The following TMCC2 variants were observed in gnomAD, a reference collection of about 807,000 sequenced individuals.
TMCC2 encodes the protein transmembrane and coiled-coil domains protein 2.
A neutral mutation model predicts 49.4 loss-of-function variants in TMCC2; 16 were observed. That is an observed-to-expected ratio of 0.32 (90% CI 0.22 to 0.49). The LOEUF is 0.49. Among genes scored for constraint, TMCC2 ranks in the 20% least tolerant of loss-of-function variants. The pLI, the probability that TMCC2 is intolerant of heterozygous loss-of-function variation, is 0.99. For synonymous variants in TMCC2, 397 were observed against 434.1 expected (o/e 0.91, Z 1.06); for missense variants, 762 against 989.8 (o/e 0.77, Z 3.09).
At chr1:205,256,812 A>G (rs1660888997) in intron 2 of TMCC2, among the ~76,000 whole-genome samples, 1 of 152,222 alleles carries the variant, frequency 6.6e-6, no homozygotes, top group African/African-American at 2.4e-5. Flanking sequence ...TTCCGAATCC[A>G]TGAGACTGCT....
intron 1 of TMCC2, chr1:205,229,548 G>A (rs984527668): frequency 5.3e-6 from 2 of 379,970 alleles, no homozygotes; most frequent in African/African-American, 5.8e-5. Context: ...GAAGGGGCGG[G>A]GGGGGGGGGG....
chr1:205,256,666 G>C (rs1289975628), intron 2 of TMCC2, among the ~76,000 whole-genome samples: 1 of 152,224 alleles, frequency 6.6e-6, no homozygotes, highest in African/African-American at 2.4e-5. Flanking sequence ...CAGGGCAGCA[G>C]GGAGAGGAGG....
At chr1:205,256,282 G>A in intron 2 of TMCC2, 1 of 1,546,722 alleles carries the variant, frequency 6.5e-7, no homozygotes, top group South Asian at 1.2e-5. Flanking sequence ...CAGGCCCCAG[G>A]ACTCAGCTGG....
intron 2 of TMCC2, among the ~76,000 whole-genome samples, chr1:205,247,815 G>C (rs1660511561): frequency 6.6e-6 from 1 of 152,190 alleles, no homozygotes; most frequent in Admixed American, 6.5e-5. Context: ...GACCAGAGCA[G>C]CCCTGGCAGG....
Position 205,272,347 on chromosome 1 carries a change from C to A in TMCC2, c.*223C>A. 1.1e-6 allele frequency: 1 copy of A among 877,810 alleles called. No homozygotes were observed. The highest frequency in any genetic ancestry group is 1.7e-6 in the Non-Finnish European group (1 of 596,102). The allele number at this position is 877,810 out of a possible 1,614,324, so 54.4% of individuals were successfully genotyped here. On this transcript the variant is annotated 3_prime_UTR_variant, in exon 5 of 5. Transcript: ENST00000358024. ...CCCTACCTGGAGATAGTGCGGGCAC[C>A]TGTGGCCAAGTGGAGCAGAGGTGGA...
intron 2 of TMCC2, 37 bp from the exon 3 acceptor site, chr1:205,268,913 G>T (rs1272629671): frequency 6.2e-7 from 1 of 1,601,606 alleles, no homozygotes; most frequent in African/African-American, 1.3e-5. Context: ...TGGTCCCAGG[G>T]TTTACCCATG....
rs1477137646 is a variant in TMCC2, at chr1:205,241,809, G to T, written c.512G>T (p.Ser171Ile). ...IKRGASLHSS[S>I]GGGSSGSSSR... ...CGGGGCGCCAGCCTGCACAGCAGCA[G>T]TGGGGGCGGCAGCAGCGGGAGCAGC... Residue 171 changes from serine to isoleucine, a missense_variant, in exon 2 of 5, where the codon AGT (serine) becomes ATT (isoleucine). Around this residue, in one of 2 missense-constraint regions of TMCC2, gnomAD observed 322 missense variants for 353.1 expected, o/e 0.91. Transcript: ENST00000358024. This position sits in a 1 kb window ranked among gnomAD's most constrained non-coding sequence, Gnocchi z 7.3. 6.2e-7 allele frequency: 1 copy of T among 1,605,764 alleles called. No individual in the cohort carries two copies. The highest frequency in any genetic ancestry group is 8.5e-7 in the Non-Finnish European group (1 of 1,177,196).
At chr1:205,267,363 T>C (rs1413486073) in intron 2 of TMCC2, among the ~76,000 whole-genome samples, 1 of 152,180 alleles carries the variant, frequency 6.6e-6, no homozygotes, top group Non-Finnish European at 1.5e-5. Flanking sequence ...CTGTTTCCAG[T>C]TCTGGTGCAT....
At chr1:205,238,142 G>A (rs1469424807) in intron 1 of TMCC2, among the ~76,000 whole-genome samples, 2 of 152,182 alleles carry the variant, frequency 1.3e-5, no homozygotes, top group African/African-American at 2.4e-5. Flanking sequence ...AGAGCAGGTG[G>A]TGCTTTCTGC....
At chr1:205,246,560 C>T (rs1660460054) in intron 2 of TMCC2, 6 of 1,546,638 alleles carry the variant, frequency 3.9e-6, no homozygotes, top group African/African-American at 2.7e-5. Flanking sequence ...GAGCTCTGCA[C>T]GCGTTGGCTA....
rs1437922376 is a variant in TMCC2, at chr1:205,233,550, G to A, written c.207+4779G>A. 3.9e-5 allele frequency among the ~76,000 whole-genome samples: 6 copies of A among 152,280 alleles called. No homozygotes were observed. The South Asian group carries it at 1.0e-3, about 26-fold the overall frequency. On this transcript the variant is annotated intron_variant, in intron 1 of 4. Transcript: ENST00000358024. ...CACAGGCAGCTTCCTCCCACTGTGAGTGGCGTGTGTTCCTTCACCACTCCT... is the reference window on the plus strand; with the variant it reads ...CACAGGCAGCTTCCTCCCACTGTGAATGGCGTGTGTTCCTTCACCACTCCT...
chr1:205,244,706 C>T (rs1467576890), intron 2 of TMCC2, among the ~76,000 whole-genome samples: 1 of 151,940 alleles, frequency 6.6e-6, no homozygotes, highest in African/African-American at 2.4e-5. Context: ...GCTGGGAGGG[C>T]ATGTAAGGGT....
chr1:205,230,331 T>C (rs969206287), intron 1 of TMCC2, among the ~76,000 whole-genome samples: 4 of 152,192 alleles, frequency 2.6e-5, no homozygotes, highest in South Asian at 2.1e-4. Context: ...CAGAGCTTCG[T>C]GGCTAGACTT....
rs762917406 is a variant in TMCC2 at position 205,269,132 on chromosome 1, C to T, written c.930C>T (p.Arg310=). The change falls in exon 3 of 5, where the codon CGC becomes CGT. Residue 310 remains arginine (R), a synonymous_variant. Coordinates refer to ENST00000358024, the MANE Select transcript of TMCC2 (RefSeq NM_014858.4). Reference sequence around the variant, plus strand: ...AGATCAAGATTGAGCAGGAGGCTCGCGACGACAATGTGGCAGAGTATCTGA... The same window carrying T: ...AGATCAAGATTGAGCAGGAGGCTCGTGACGACAATGTGGCAGAGTATCTGA... ...TEQIKIEQEA[R]DDNVAEYLKL... is the part of the protein sequence containing the mutation. 38 of 1,613,984 alleles carry T rather than the reference C, an allele frequency of 2.4e-5. No individual in the cohort carries two copies. The highest frequency in any genetic ancestry group is 3.3e-5 in the South Asian group (3 of 91,084).
Position 205,247,320 on chromosome 1 carries a change from A to G in TMCC2, c.747+5276A>G, listed in dbSNP as rs540840406. On this transcript the variant is annotated intron_variant, in intron 2 of 4. Coordinates refer to ENST00000358024, the MANE Select transcript of TMCC2 (RefSeq NM_014858.4). The stretch of plus-strand genomic sequence containing the variant: ...GACAAGGGATCCTAGTCTGTACCCA[A>G]GACTCATCTGAGAGGTGACGTCACT... 6.6e-5 allele frequency among the ~76,000 whole-genome samples: 10 copies of G among 152,262 alleles called. No homozygotes were observed. In the East Asian group the frequency reaches 1.9e-3, roughly 29 times the overall value.
Position 205,241,915 on chromosome 1 carries a change from C to T in TMCC2, c.618C>T (p.Ser206=). The T allele has an allele frequency of 6.2e-7, 1 of 1,610,270 alleles. No homozygotes were observed. The highest frequency in any genetic ancestry group is 8.5e-7 in the Non-Finnish European group (1 of 1,179,460). ...HLLRKAPQDS[S]LAAILHQHQC... The stretch of plus-strand genomic sequence containing the variant: ...TGCGCAAGGCCCCCCAGGACAGCAG[C>T]CTGGCCGCCATCCTGCACCAGCACC... The change falls in exon 2 of 5, where the codon AGC becomes AGT. Residue 206 remains serine, a synonymous_variant. Transcript: ENST00000358024. This position sits in a 1 kb window ranked among gnomAD's most constrained non-coding sequence, Gnocchi z 7.3.
intron 1 of TMCC2, among the ~76,000 whole-genome samples, chr1:205,232,131 G>A (rs1040838187): frequency 1.3e-5 from 2 of 152,190 alleles, no homozygotes; most frequent in African/African-American, 4.8e-5. Context: ...ACTGTACACT[G>A]TAAATTTCTG....
At chr1:205,271,080 G>T (rs16855306) in intron 3 of TMCC2, 40 bp from the exon 4 acceptor site, 1 of 1,606,568 alleles carries the variant, frequency 6.2e-7, no homozygotes, top group South Asian at 1.1e-5. Flanking sequence ...GTGGAAGCTC[G>T]GGGAGCCAGG....
intron 1 of TMCC2, among the ~76,000 whole-genome samples, chr1:205,240,428 A>T (rs1242803200): frequency 1.3e-5 from 2 of 152,338 alleles, no homozygotes; most frequent in East Asian, 3.9e-4. Context: ...ACTCATTTGG[A>T]TAGCTTGTTC....
Sources: allele counts gnomAD v4.1 joint callset (sites outside exome capture counted in the v4.1 genomes callset), GRCh38; gene constraint gnomAD v4.1.1; regional missense constraint gnomAD v4.1.1; non-coding constraint Gnocchi (gnomAD v3.1); transcripts MANE v1.5; gene names NCBI Gene and HGNC (gene_info 2026-07-23, HGNC 2026-07-21).